GALNTL6: variants seen among roughly 807,000 people sequenced by gnomAD.
GALNTL6 encodes the protein polypeptide N-acetylgalactosaminyltransferase-like 6.
GALNTL6 carries 46 observed loss-of-function variants against 73.7 expected under a neutral mutation model. The ratio of observed to expected loss-of-function variants is 0.62; its 90% CI spans 0.49 to 0.80. The LOEUF is 0.80. GALNTL6 is among the 30% of genes least tolerant of loss of function. The pLI is 0.00. For missense variants in GALNTL6, 604 were observed against 755.0 expected, an observed-to-expected ratio of 0.80 and a Z score of 2.34; for synonymous variants, 259 against 263.7, an observed-to-expected ratio of 0.98 and a Z score of 0.17.
At chr4:172,352,220 T>C (rs1209586243) in intron 5 of GALNTL6, among the ~76,000 whole-genome samples, 4 of 152,200 alleles carry the variant, frequency 2.6e-5, no homozygotes, top group African/African-American at 9.7e-5. Flanking sequence ...GACCTAGTTC[T>C]CAAAATGCTT....
At position 173,017,211 on chromosome 4, in the gene GALNTL6, T is replaced by G. The variant is rs182542461; in HGVS notation, c.1489-4265T>G. ...AGCATGAGAATGGACTAATATACAT[T>G]GTAAATCTATGTTTTAAAGGATCAT... On this transcript the variant is annotated intron_variant, in intron 11 of 12. Transcript: ENST00000506823. 1.6e-3 allele frequency among the ~76,000 whole-genome samples: 241 copies of G among 152,316 alleles called. 2 individuals carry two copies. The highest frequency in any genetic ancestry group is 5.6e-3 in the African/African-American group (232 of 41,564).
chr4:172,595,550 T>C (rs1260840054), intron 5 of GALNTL6, among the ~76,000 whole-genome samples: 1 of 152,190 alleles, frequency 6.6e-6, no homozygotes, highest in Non-Finnish European at 1.5e-5. Context: ...CATTCTAACA[T>C]TGTTAATGAG....
intron 5 of GALNTL6, among the ~76,000 whole-genome samples, chr4:172,391,930 C>A (rs1216855381): frequency 6.6e-6 from 1 of 152,106 alleles, no homozygotes; most frequent in South Asian, 2.1e-4. Flanking sequence ...AAAGGACACA[C>A]TAATGAGAAA....
At chr4:171,910,810 A>C (rs1737455149) in intron 2 of GALNTL6, among the ~76,000 whole-genome samples, 1 of 152,070 alleles carries the variant, frequency 6.6e-6, no homozygotes, top group African/African-American at 2.4e-5. Flanking sequence ...TTTTTTTCTT[A>C]ATCAACAGGT....
intron 3 of GALNTL6, among the ~76,000 whole-genome samples, chr4:172,310,267 G>A (rs972726037): frequency 1.3e-5 from 2 of 151,186 alleles, no homozygotes; most frequent in Non-Finnish European, 2.9e-5. Flanking sequence ...CAAATTACTC[G>A]ATAATTTTTT....
At chr4:171,914,499 C>T (rs1254439103) in intron 2 of GALNTL6, among the ~76,000 whole-genome samples, 3 of 137,688 alleles carry the variant, frequency 2.2e-5, no homozygotes, top group Non-Finnish European at 3.1e-5. Flanking sequence ...GGTGTGATCT[C>T]GGCTCACTGC....
At chr4:172,801,892 AC>A (rs1322428176) in intron 5 of GALNTL6, among the ~76,000 whole-genome samples, 2 of 152,058 alleles carry the variant, frequency 1.3e-5, no homozygotes, top group Non-Finnish European at 2.9e-5. Flanking sequence ...TCCTCAGCCT[AC>A]CCAACATGAT....
At chr4:172,156,545 A>ATATATATATATATATATACACATAC (rs1734281753) in intron 2 of GALNTL6, among the ~76,000 whole-genome samples, 1 of 67,342 alleles carries the variant, frequency 1.5e-5, no homozygotes, top group Non-Finnish European at 2.9e-5. Flanking sequence ...TATATAATAT[A>ATATATATATATATATATACACATAC]TATATATATA....
intron 7 of GALNTL6, among the ~76,000 whole-genome samples, chr4:172,823,266 C>T (rs1454647563): frequency 6.6e-6 from 1 of 152,206 alleles, no homozygotes; most frequent in Non-Finnish European, 1.5e-5. Context: ...ATTTTCTCAC[C>T]CAAAGCTTCA....
At chr4:171,857,597 T>C (rs959335495) in intron 2 of GALNTL6, among the ~76,000 whole-genome samples, 2 of 152,138 alleles carry the variant, frequency 1.3e-5, no homozygotes, top group Admixed American at 6.5e-5. Context: ...AGTTGATTCA[T>C]CAAAATGAGA....
At chr4:172,947,697 T>C (rs2126331151) in intron 9 of GALNTL6, among the ~76,000 whole-genome samples, 1 of 152,280 alleles carries the variant, frequency 6.6e-6, no homozygotes, top group East Asian at 1.9e-4. Flanking sequence ...GCACAAGCTG[T>C]TATTGGAATG....
intron 5 of GALNTL6, among the ~76,000 whole-genome samples, chr4:172,653,538 C>A (rs974168319): frequency 2.0e-5 from 3 of 152,010 alleles, no homozygotes; most frequent in Non-Finnish European, 4.4e-5. Flanking sequence ...TTTTACATGA[C>A]CTTACTTCTT....
chr4:172,672,796 C>A (rs774318942), intron 5 of GALNTL6, among the ~76,000 whole-genome samples: 1 of 152,054 alleles, frequency 6.6e-6, no homozygotes, highest in Non-Finnish European at 1.5e-5. Context: ...TCTAGATTTT[C>A]TAGTTTGTGT....
intron 5 of GALNTL6, among the ~76,000 whole-genome samples, chr4:172,499,839 T>C (rs530057055): frequency 5.9e-5 from 9 of 152,146 alleles, no homozygotes; most frequent in Non-Finnish European, 1.2e-4. Context: ...AACTTGAGGA[T>C]AGGTCACTCT....
intron 2 of GALNTL6, among the ~76,000 whole-genome samples, chr4:171,987,003 G>A (rs1166301820): frequency 6.0e-5 from 9 of 148,850 alleles, no homozygotes; most frequent in African/African-American, 1.7e-4. Flanking sequence ...GTGAATAGGC[G>A]TATGACTAGA....
intron 5 of GALNTL6, among the ~76,000 whole-genome samples, chr4:172,399,380 CTA>C (rs1345631204): frequency 2.0e-5 from 3 of 151,794 alleles, no homozygotes; most frequent in African/African-American, 7.2e-5. Flanking sequence ...AAGAAAATAA[CTA>C]TATGCAGAGT....
At chr4:172,673,447 G>A (rs563179815) in intron 5 of GALNTL6, among the ~76,000 whole-genome samples, 1 of 152,268 alleles carries the variant, frequency 6.6e-6, no homozygotes, top group Admixed American at 6.5e-5. Context: ...TGTATATTCT[G>A]TTTTGGGGGG....
chr4:172,767,933 G>A (rs908272902), intron 5 of GALNTL6, among the ~76,000 whole-genome samples: 5 of 152,002 alleles, frequency 3.3e-5, no homozygotes, highest in African/African-American at 1.2e-4. Context: ...CTCCCAAAGT[G>A]CTGGGATTAC....
At chr4:172,838,440 G>A (rs1743028184) in intron 7 of GALNTL6, among the ~76,000 whole-genome samples, 1 of 152,172 alleles carries the variant, frequency 6.6e-6, no homozygotes, top group Non-Finnish European at 1.5e-5. Flanking sequence ...GGGTGGCAGA[G>A]GAGTCTTGCC....
Sources: gnomAD v4.1 joint callset for allele counts (sites outside exome capture counted in the v4.1 genomes callset) on GRCh38, gnomAD v4.1.1 for gene constraint, MANE v1.5 for transcripts, NCBI Gene and HGNC (gene_info 2026-07-23, HGNC 2026-07-21) for gene names.